Variants in KDM4C observed in about 807,000 individuals in gnomAD.
KDM4C encodes lysine-specific demethylase 4C.
A neutral mutation model predicts 129.3 loss-of-function variants in KDM4C; 81 were observed. The observed-to-expected ratio is 0.63, with a 90% confidence interval of 0.52 to 0.75. The LOEUF (loss-of-function observed/expected upper bound fraction) is 0.75, where lower values mean the gene tolerates loss of function less well. Among genes scored for constraint, KDM4C ranks in the 30% least tolerant of loss-of-function variants. The pLI is 0.00. For missense variants in KDM4C, 1,457 were observed against 1,304.0 expected (o/e 1.12, Z -1.81); for synonymous variants, 573 against 456.1 (o/e 1.26, Z -3.26).
At chr9:6,819,515 G>A (rs1026464603) in intron 4 of KDM4C, among the ~76,000 whole-genome samples, 2 of 152,228 alleles carry the variant, frequency 1.3e-5, no homozygotes, top group Non-Finnish European at 2.9e-5. Flanking sequence ...TCTGCAGGCT[G>A]TGTGGAAGCA....
At chr9:7,077,392 TAG>T in intron 17 of KDM4C, 1 of 202,984 alleles carries the variant, frequency 4.9e-6, no homozygotes, top group Non-Finnish European at 8.7e-6. Flanking sequence ...GCATGCTATT[TAG>T]CATTTATCTG....
intron 9 of KDM4C, chr9:6,981,829 G>A: frequency 3.6e-6 from 1 of 274,786 alleles, no homozygotes. Context: ...ATTACTCATT[G>A]TTTTTCTTTC....
At chr9:7,047,829 C>T (rs911390787) in intron 16 of KDM4C, among the ~76,000 whole-genome samples, 1 of 151,960 alleles carries the variant, frequency 6.6e-6, no homozygotes, top group Admixed American at 6.6e-5. Flanking sequence ...GCAGGTACTC[C>T]TCAGTTCACC....
At chr9:6,931,270 T>C (rs891772192) in intron 8 of KDM4C, among the ~76,000 whole-genome samples, 2 of 152,186 alleles carry the variant, frequency 1.3e-5, no homozygotes, top group Admixed American at 6.5e-5. Flanking sequence ...GAGTGTATAC[T>C]GAACAATATA....
At chr9:7,010,717 T>C (rs1822521377) in intron 12 of KDM4C, among the ~76,000 whole-genome samples, 1 of 152,194 alleles carries the variant, frequency 6.6e-6, no homozygotes, top group African/African-American at 2.4e-5. Context: ...CTCTGTAAGA[T>C]TTTATAAAGT....
chr9:6,896,414 G>A (rs1055742407), intron 8 of KDM4C, among the ~76,000 whole-genome samples: 4 of 151,758 alleles, frequency 2.6e-5, no homozygotes, highest in Non-Finnish European at 5.9e-5. Flanking sequence ...GCAAAATAGT[G>A]CAGAGTGTGG....
intron 8 of KDM4C, among the ~76,000 whole-genome samples, chr9:6,937,933 A>G (rs1825123086): frequency 6.6e-6 from 1 of 152,096 alleles, no homozygotes; most frequent in South Asian, 2.1e-4. Flanking sequence ...GCTGGTCTCG[A>G]ACTCCTGACC....
intron 15 of KDM4C, among the ~76,000 whole-genome samples, chr9:7,029,613 CAAAA>C (rs888884545): frequency 6.6e-6 from 1 of 151,636 alleles, no homozygotes; most frequent in Admixed American, 6.6e-5. Flanking sequence ...AATTAATAAA[CAAAA>C]AGGAATGTGT....
chr9:6,867,518 A>C (rs888730124), intron 5 of KDM4C, among the ~76,000 whole-genome samples: 1 of 152,216 alleles, frequency 6.6e-6, no homozygotes, highest in Non-Finnish European at 1.5e-5. Context: ...AATTTTTGAT[A>C]TGGGCAGACA....
chr9:6,782,534 C>G (rs575095218), intron 1 of KDM4C, among the ~76,000 whole-genome samples: 47 of 152,212 alleles, frequency 3.1e-4, no homozygotes, highest in Non-Finnish European at 6.5e-4. Context: ...AGATGTCTTG[C>G]TCACAGAAGG....
intron 10 of KDM4C, among the ~76,000 whole-genome samples, 169 bp downstream of exon 10, chr9:6,984,573 A>C (rs970754132): frequency 6.6e-6 from 1 of 152,194 alleles, no homozygotes; most frequent in Non-Finnish European, 1.5e-5. Context: ...ATATTGTAAA[A>C]GTCAGGAGCC....
In KDM4C at chr9:7,012,245, TA is replaced by T. The variant is rs995795344; in HGVS notation, c.1968+367del. ...CCATACCTGCCTAATTTTTTAAATTTATTTTTTAATTTTTGTAGCGACTGGG... is the reference window on the plus strand; with the variant it reads ...CCATACCTGCCTAATTTTTTAAATTTTTTTTTAATTTTTGTAGCGACTGGG... On this transcript the variant is annotated intron_variant, in intron 13 of 21. Transcript: ENST00000381309. Among the ~76,000 whole-genome samples the T allele has an allele frequency of 3.3e-4, 51 of 152,274 alleles. 1 individual carries two copies. In the Middle Eastern group the frequency reaches 0.01, roughly 30 times the overall value.
At chr9:6,997,312 A>T (rs543837068) in intron 12 of KDM4C, among the ~76,000 whole-genome samples, 33 of 152,342 alleles carry the variant, frequency 2.2e-4, no homozygotes, top group African/African-American at 7.7e-4. Context: ...CCCCTCAGAC[A>T]TGCGGAGCTG....
intron 4 of KDM4C, among the ~76,000 whole-genome samples, chr9:6,823,622 C>T (rs1431423869): frequency 1.3e-5 from 2 of 152,216 alleles, no homozygotes; most frequent in Middle Eastern, 3.2e-3. Context: ...TTGCTGCTGC[C>T]TCCAGATCTC....
At chr9:6,790,256 T>TTTTTTTTG (rs995966389) in intron 1 of KDM4C, among the ~76,000 whole-genome samples, 19 of 151,168 alleles carry the variant, frequency 1.3e-4, no homozygotes, top group Non-Finnish European at 1.9e-4. Flanking sequence ...CCCTGCTCTG[T>TTTTTTTTG]TTTTTTTGTT....
At chr9:7,072,370 C>G (rs765508385) in intron 17 of KDM4C, among the ~76,000 whole-genome samples, 4 of 152,140 alleles carry the variant, frequency 2.6e-5, no homozygotes, top group Non-Finnish European at 5.9e-5. Context: ...ATGGAAGCAA[C>G]TCAGTGTTTT....
intron 1 of KDM4C, among the ~76,000 whole-genome samples, chr9:6,738,895 T>C (rs373655466): frequency 9.2e-5 from 14 of 151,426 alleles, no homozygotes; most frequent in African/African-American, 3.4e-4. Flanking sequence ...GCCCAGCTAA[T>C]TTCTATATTT....
chr9:6,934,570 C>G (rs1337071371), intron 8 of KDM4C, among the ~76,000 whole-genome samples: 1 of 151,610 alleles, frequency 6.6e-6, no homozygotes, highest in Non-Finnish European at 1.5e-5. Context: ...GCTCTGTCAC[C>G]AGGCTGCCTC....
At chr9:6,722,792 T>A (rs1359189254) in intron 1 of KDM4C, among the ~76,000 whole-genome samples, 1 of 151,842 alleles carries the variant, frequency 6.6e-6, no homozygotes, top group Non-Finnish European at 1.5e-5. Context: ...GAATTACAGG[T>A]ATGAGCCACC....
Sources: allele counts gnomAD v4.1 joint callset (sites outside exome capture counted in the v4.1 genomes callset), GRCh38; gene constraint gnomAD v4.1.1; transcripts MANE v1.5; gene names NCBI Gene and HGNC (gene_info 2026-07-23, HGNC 2026-07-21).